The following STAM variants were observed in gnomAD, a reference collection of about 807,000 sequenced individuals.
The protein encoded by STAM is signal transducing adapter molecule 1.
In STAM, 16 loss-of-function variants were observed where a neutral mutation model predicts 63.4. That is an observed-to-expected ratio of 0.25 (90% CI 0.17 to 0.38). The LOEUF (loss-of-function observed/expected upper bound fraction) is 0.38. Among genes scored for constraint, STAM ranks in the 10% least tolerant of loss-of-function variants. The pLI, the probability that STAM is intolerant of heterozygous loss-of-function variation, is 1.00. For synonymous variants in STAM, 238 were observed against 223.9 expected, an observed-to-expected ratio of 1.06 and a Z score of -0.56; for missense variants, 636 against 657.1, an observed-to-expected ratio of 0.97 and a Z score of 0.35.
At chr10:17,660,378 A>C in intron 1 of STAM, 86 bp from the exon 2 acceptor site, 2 of 852,324 alleles carry the variant, frequency 2.3e-6, no homozygotes, top group Non-Finnish European at 1.8e-6. Flanking sequence ...ACTTGATTAT[A>C]CTATAGTTTT....
chr10:17,656,783 A>G (rs1282308411), intron 1 of STAM, among the ~76,000 whole-genome samples: 3 of 152,174 alleles, frequency 2.0e-5, no homozygotes, highest in Admixed American at 2.0e-4. Context: ...AGGCAGAAAA[A>G]GAGATGAAGC....
intron 2 of STAM, among the ~76,000 whole-genome samples, chr10:17,666,494 A>T (rs1488862150): frequency 7.0e-6 from 1 of 143,822 alleles, no homozygotes; most frequent in Non-Finnish European, 1.5e-5. Flanking sequence ...TGCCGGGTTC[A>T]CCCCATTCTC....
chr10:17,664,928 A>G (rs577326773), intron 2 of STAM, among the ~76,000 whole-genome samples: 18 of 152,296 alleles, frequency 1.2e-4, no homozygotes, highest in Non-Finnish European at 1.2e-4. Context: ...TTTAAATCAA[A>G]ATGATTTGTA....
chr10:17,664,435 A>G (rs1834296282), intron 2 of STAM, among the ~76,000 whole-genome samples: 1 of 152,106 alleles, frequency 6.6e-6, no homozygotes, highest in Non-Finnish European at 1.5e-5. Context: ...CCTTTCCTCC[A>G]GCTCCTCTTA....
chr10:17,683,588 C>T (rs1554825717), intron 2 of STAM, among the ~76,000 whole-genome samples: 1 of 152,024 alleles, frequency 6.6e-6, no homozygotes, highest in African/African-American at 2.4e-5. Context: ...ACTGATCTTT[C>T]ATTCTTACCT....
Position 17,688,181 on chromosome 10 carries a change from G to A in STAM, c.444+8G>A. The A allele has an allele frequency of 6.5e-7, 1 of 1,530,234 alleles. No homozygotes were observed. 94.8% of individuals were successfully genotyped at this position (1,530,234 alleles called of 1,614,324 possible). On this transcript the variant is annotated splice_region_variant and intron_variant, in intron 5 of 13. Coordinates refer to ENST00000377524, the MANE Select transcript of STAM (RefSeq NM_003473.4). ...CCAGCTATTGGCTCTCAGGTATTTT[G>A]GGAATGAAGTTGTGTGTGTGCTACA... is the stretch of plus-strand genomic sequence containing the variant.
At chr10:17,650,604 A>T (rs1275853121) in intron 1 of STAM, among the ~76,000 whole-genome samples, 1 of 152,212 alleles carries the variant, frequency 6.6e-6, no homozygotes, top group Non-Finnish European at 1.5e-5. Flanking sequence ...ATACCCTGGT[A>T]CCGAATATGC....
intron 1 of STAM, among the ~76,000 whole-genome samples, chr10:17,658,470 T>G (rs1020283150): frequency 2.6e-5 from 4 of 152,186 alleles, no homozygotes; most frequent in Non-Finnish European, 4.4e-5. Flanking sequence ...ATTGATGGTG[T>G]TGTTGAGTTC....
chr10:17,679,474 A>ATG (rs1327912937), intron 2 of STAM, among the ~76,000 whole-genome samples: 1 of 151,858 alleles, frequency 6.6e-6, no homozygotes, highest in Non-Finnish European at 1.5e-5. Context: ...CTTGTCATAT[A>ATG]TATGATTTGG....
At chr10:17,706,789 CAAT>C (rs1836304879) in intron 12 of STAM, among the ~76,000 whole-genome samples, 1 of 151,908 alleles carries the variant, frequency 6.6e-6, no homozygotes, top group Non-Finnish European at 1.5e-5. Context: ...AGACATATCT[CAAT>C]AAAGTAGTTT....
intron 2 of STAM, 47 bp downstream of exon 2, chr10:17,660,595 A>G: frequency 6.7e-7 from 1 of 1,490,804 alleles, no homozygotes; most frequent in South Asian, 1.2e-5. Context: ...CTTTTTAAAA[A>G]ACACGAAAGG....
chr10:17,678,989 T>G (rs546469360), intron 2 of STAM, among the ~76,000 whole-genome samples: 1 of 152,360 alleles, frequency 6.6e-6, no homozygotes, highest in East Asian at 1.9e-4. Context: ...ACTATTCCAT[T>G]GTATATCACA....
At chr10:17,709,125 C>G (rs1437324227) in intron 13 of STAM, among the ~76,000 whole-genome samples, 174 bp downstream of exon 13, 5 of 152,210 alleles carry the variant, frequency 3.3e-5, no homozygotes, top group Non-Finnish European at 5.9e-5. Context: ...TACCAGCCAG[C>G]AAGCTGGTCC....
intron 7 of STAM, 50 bp from the exon 8 acceptor site, chr10:17,696,725 A>G (rs782762930): frequency 1.5e-6 from 2 of 1,339,538 alleles, no homozygotes; most frequent in Non-Finnish European, 2.1e-6. Context: ...AAAGATGTAC[A>G]GAAATAAATA....
intron 12 of STAM, 98 bp from the exon 13 acceptor site, chr10:17,708,678 A>C (rs567285022): frequency 1.6e-6 from 2 of 1,257,284 alleles, no homozygotes. Context: ...CAGAGTGGTG[A>C]TTTTTCTTGT....
In STAM at chr10:17,716,119, G is replaced by T. The variant is rs1328889445; in HGVS notation, c.*1339G>T. Reference sequence around the variant, plus strand: ...AATCTTAAATATTTACGATTTCCCTGGTTGGGCTATACTATTATTTTAGCA... The same window carrying T: ...AATCTTAAATATTTACGATTTCCCTTGTTGGGCTATACTATTATTTTAGCA... On this transcript the variant is annotated 3_prime_UTR_variant, in exon 14 of 14. Transcript: ENST00000377524. Among the ~76,000 whole-genome samples the T allele has an allele frequency of 1.3e-5, 2 of 152,004 alleles. No homozygotes were observed. The highest frequency in any genetic ancestry group is 2.9e-5 in the Non-Finnish European group (2 of 67,956).
chr10:17,647,471 C>T (rs573892360), intron 1 of STAM, among the ~76,000 whole-genome samples: 7 of 152,030 alleles, frequency 4.6e-5, no homozygotes, highest in South Asian at 2.1e-4. Flanking sequence ...GAGTGCCCTG[C>T]GGCTCAGTTC....
intron 2 of STAM, among the ~76,000 whole-genome samples, chr10:17,677,982 A>G (rs1035367460): frequency 6.6e-6 from 1 of 152,190 alleles, no homozygotes; most frequent in Non-Finnish European, 1.5e-5. Context: ...AAATACATAT[A>G]TATTTCACAT....
intron 2 of STAM, among the ~76,000 whole-genome samples, chr10:17,665,153 CAGT>C (rs60476140): frequency 0.14 from 21,571 of 151,612 alleles, 1,813 homozygotes; most frequent in East Asian, 0.26. Context: ...ACATGGCTCT[CAGT>C]GGTGTTGTGA....
Sources: gnomAD v4.1 joint callset for allele counts (sites outside exome capture counted in the v4.1 genomes callset) on GRCh38, gnomAD v4.1.1 for gene constraint, MANE v1.5 for transcripts, NCBI Gene and HGNC (gene_info 2026-07-23, HGNC 2026-07-21) for gene names.